The following PHACTR2 variants were observed in gnomAD, a reference collection of about 807,000 sequenced individuals.
PHACTR2 encodes phosphatase and actin regulator 2, also known as chromosome 6 open reading frame 56.
PHACTR2 carries 30 observed loss-of-function variants against 76.0 expected under a neutral mutation model. That is an observed-to-expected ratio of 0.39 (90% CI 0.30 to 0.54). The LOEUF is 0.54. PHACTR2 is among the 20% of genes least tolerant of loss of function. PHACTR2 has a pLI of 0.61. For synonymous variants in PHACTR2, 292 were observed against 292.5 expected, an observed-to-expected ratio of 1.00 and a Z score of 0.02; for missense variants, 696 against 781.1, an observed-to-expected ratio of 0.89 and a Z score of 1.30.
chr6:143,729,939 C>G (rs1778664031), intron 2 of PHACTR2, among the ~76,000 whole-genome samples: 1 of 130,236 alleles, frequency 7.7e-6, no homozygotes. Context: ...GTTGAAACGA[C>G]TATTACCTTT....
At position 143,774,647 on chromosome 6, in the gene PHACTR2, A is replaced by G. The variant is rs948208171; in HGVS notation, c.1589+432A>G. On this transcript the variant is annotated intron_variant, in intron 8 of 12. Transcript: ENST00000440869. This position sits in a 1 kb window ranked among gnomAD's most constrained non-coding sequence, Gnocchi z 5.4. ...ACAGTTTGCTCAACAATCCTGGCCT[A>G]ATTTATGGACTCACTAGCATTCCTG... 2.6e-5 allele frequency among the ~76,000 whole-genome samples: 4 copies of G among 152,170 alleles called. No individual in the cohort carries two copies. Among genetic ancestry groups the G allele is most frequent in the African/African-American group, 9.7e-5 (4 of 41,446 alleles).
In PHACTR2 at chr6:143,787,020, C is replaced by G. The variant is rs1190191252; in HGVS notation, c.1708-1753C>G. Among the ~76,000 whole-genome samples, 1 of 152,178 alleles carries G rather than the reference C, an allele frequency of 6.6e-6. No individual in the cohort carries two copies. Among genetic ancestry groups the G allele is most frequent in the Non-Finnish European group, 1.5e-5 (1 of 68,032 alleles). On this transcript the variant is annotated intron_variant, in intron 10 of 12. Transcript: ENST00000440869. The surrounding 1 kb of genome is among the most constrained non-coding windows in gnomAD (Gnocchi z 4.6). ...TTTTCAATGGCCCTTAAGTTACCAT[C>G]TGTAGACAATCAATCACCCCCTCCT...
Position 143,558,327 on chromosome 6 carries a change from TA to T in PHACTR2, c.217+21125del, listed in dbSNP as rs955392078. On this transcript the variant is annotated intron_variant, in intron 1 of 11. Transcript: ENST00000367584. The surrounding 1 kb of genome is among the most constrained non-coding windows in gnomAD (Gnocchi z 4.7). ...GAAAGAGTTTTCCCCTATTTACATGTAAAAATATGATAGGAGAAAAAAGATG... is the reference window on the plus strand; with the variant it reads ...GAAAGAGTTTTCCCCTATTTACATGTAAAATATGATAGGAGAAAAAAGATG... 2.0e-5 allele frequency among the ~76,000 whole-genome samples: 3 copies of T among 152,140 alleles called. No homozygotes were observed. Among genetic ancestry groups the T allele is most frequent in the Admixed American group, 2.0e-4 (3 of 15,268 alleles).
At position 143,547,876 on chromosome 6, in the gene PHACTR2, G is replaced by A. The variant is rs1379589897; in HGVS notation, c.217+10669G>A. ...TTGCCCGCTGTATCTATGTATGTAT[G>A]TATGTACGTATGTATCTATCTATCT... is the stretch of plus-strand genomic sequence containing the variant. On this transcript the variant is annotated intron_variant, in intron 1 of 11. Transcript: ENST00000367584. This position sits in a 1 kb window ranked among gnomAD's most constrained non-coding sequence, Gnocchi z 4.2. Among the ~76,000 whole-genome samples, 2 of 151,718 alleles carry A rather than the reference G, an allele frequency of 1.3e-5. No individual in the cohort carries two copies. The highest frequency in any genetic ancestry group is 4.9e-5 in the African/African-American group (2 of 41,044).
At chr6:143,538,166 T>A (rs1781136282) in intron 1 of PHACTR2, among the ~76,000 whole-genome samples, 1 of 152,080 alleles carries the variant, frequency 6.6e-6, no homozygotes, top group African/African-American at 2.4e-5. Context: ...GGCCCATGTG[T>A]TCTCAGAGGC....
rs1419249605 is a variant in PHACTR2, at chr6:143,824,775, AT to A, written c.*1089del. 1 of 151,270 alleles carries A rather than the reference AT, an allele frequency of 6.6e-6. No homozygotes were observed. The highest frequency in any genetic ancestry group is 1.5e-5 in the Non-Finnish European group (1 of 67,778). 9.4% of individuals were successfully genotyped at this position (151,270 alleles called of 1,614,324 possible). A position where few individuals can be genotyped will look rare whatever the true frequency, so the allele number is the denominator to read the frequency against. Reference sequence around the variant, plus strand: ...ATTTTTTTAAAGTTGGATTGCTGCTATTTAAAAAAAAAAAAAGGACACAGAT... The same window carrying A: ...ATTTTTTTAAAGTTGGATTGCTGCTATTAAAAAAAAAAAAAGGACACAGAT... On this transcript the variant is annotated 3_prime_UTR_variant, in exon 13 of 13. Transcript: ENST00000440869. The surrounding 1 kb of genome is among the most constrained non-coding windows in gnomAD (Gnocchi z 6.3).
At chr6:143,771,190 G>GTATATATATATATA (rs1562300806) in intron 6 of PHACTR2, among the ~76,000 whole-genome samples, 1 of 22,452 alleles carries the variant, frequency 4.5e-5, no homozygotes, top group Non-Finnish European at 7.0e-5. Flanking sequence ...ATATATATAT[G>GTATATATATATATA]TGTGTATATA....
rs926989297 is a variant in PHACTR2 at position 143,688,393 on chromosome 6, G to A, written c.46+10184G>A. 1.3e-5 allele frequency among the ~76,000 whole-genome samples: 2 copies of A among 152,106 alleles called. No individual in the cohort carries two copies. Among genetic ancestry groups the A allele is most frequent in the Non-Finnish European group, 2.9e-5 (2 of 68,022 alleles). On this transcript the variant is annotated intron_variant, in intron 1 of 12. Coordinates refer to ENST00000440869, the MANE Select transcript of PHACTR2 (RefSeq NM_001100164.2). The surrounding 1 kb of genome is among the most constrained non-coding windows in gnomAD (Gnocchi z 5.2). The stretch of plus-strand genomic sequence containing the variant: ...GGTCTCACCCAACTCTCAACTCCCA[G>A]AGTTACCCAGTTTGTGTCTGCAACT...
rs1436000049 is a variant in PHACTR2, at chr6:143,646,776, AG to A, written c.13+38455del. ...CACTACTCTCTGAAGAGCCTGAAAA[AG>A]TATGTAAGAAAAGCCTTGTTCTCTC... On this transcript the variant is annotated intron_variant, in intron 1 of 11. Transcript: ENST00000305766. The surrounding 1 kb of genome is among the most constrained non-coding windows in gnomAD (Gnocchi z 4.1). Among the ~76,000 whole-genome samples, 2 of 152,232 alleles carry A rather than the reference AG, an allele frequency of 1.3e-5. No individual in the cohort carries two copies. The highest frequency in any genetic ancestry group is 2.9e-5 in the Non-Finnish European group (2 of 68,042).
intron 1 of PHACTR2, among the ~76,000 whole-genome samples, chr6:143,590,773 T>C (rs1775680943): frequency 6.6e-6 from 1 of 152,190 alleles, no homozygotes; most frequent in Non-Finnish European, 1.5e-5. Flanking sequence ...GCTGAATTTC[T>C]GTGCTAAGGA....
In PHACTR2 at chr6:143,742,329, G is replaced by A. The variant is rs6570580; in HGVS notation, c.215-6656G>A. On this transcript the variant is annotated intron_variant, in intron 2 of 12. Coordinates refer to ENST00000440869, the MANE Select transcript of PHACTR2 (RefSeq NM_001100164.2). The surrounding 1 kb of genome is among the most constrained non-coding windows in gnomAD (Gnocchi z 4.5). Reference sequence around the variant, plus strand: ...TCTTTTGAGTCTGTATTTCCTCCCTGTTGGCTTTTGTTGTTGTTGTGGTTG... The same window carrying A: ...TCTTTTGAGTCTGTATTTCCTCCCTATTGGCTTTTGTTGTTGTTGTGGTTG... Among the ~76,000 whole-genome samples the A allele has an allele frequency of 0.53, 80,327 of 151,640 alleles. 21,533 individuals are homozygous for A. The highest frequency in any genetic ancestry group is 0.62 in the African/African-American group (25,794 of 41,280).
chr6:143,745,553 T>A lies in PHACTR2; in HGVS notation c.215-3432T>A, dbSNP rs6907799. Among the ~76,000 whole-genome samples, 535 of 152,338 alleles carry A rather than the reference T, an allele frequency of 3.5e-3. 1 individual carries two copies. The highest frequency in any genetic ancestry group is 0.012 in the African/African-American group (499 of 41,578). ...GATTCATTGCAATGCAAACCCCCTC[T>A]GAGCCCATGAAAAAGTGTCCAGTGA... On this transcript the variant is annotated intron_variant, in intron 2 of 12. Coordinates refer to ENST00000440869, the MANE Select transcript of PHACTR2 (RefSeq NM_001100164.2).
In PHACTR2 at chr6:143,784,046, AAG is replaced by A. The variant is rs1554228236; in HGVS notation, c.1707+768_1707+769del. Among the ~76,000 whole-genome samples, 1 of 151,856 alleles carries A rather than the reference AAG, an allele frequency of 6.6e-6. No individual in the cohort carries two copies. The highest frequency in any genetic ancestry group is 1.5e-5 in the Non-Finnish European group (1 of 67,958). On this transcript the variant is annotated intron_variant, in intron 10 of 12. Coordinates refer to ENST00000440869, the MANE Select transcript of PHACTR2 (RefSeq NM_001100164.2). This position sits in a 1 kb window ranked among gnomAD's most constrained non-coding sequence, Gnocchi z 4.5. ...CTTGATTAGAACAATGAAAAAAAAA[AAG>A]AAAAAAAGAAGTGAAAAAAGTTTTT...
At chr6:143,606,057 T>C (rs372635326), upstream of PHACTR2, among the ~76,000 whole-genome samples, 10 of 152,306 alleles carry the variant, frequency 6.6e-5, no homozygotes, top group African/African-American at 1.9e-4. Context: ...TTCAGAATTT[T>C]ATTTTAGAAA....
chr6:143,702,769 A>G (rs1292755254), intron 1 of PHACTR2, among the ~76,000 whole-genome samples: 2 of 116,028 alleles, frequency 1.7e-5, no homozygotes, highest in East Asian at 4.6e-4. Flanking sequence ...GAATATATAT[A>G]CAACTTTTTT....
At position 143,684,715 on chromosome 6, in the gene PHACTR2, G is replaced by A. The variant is rs527637708; in HGVS notation, c.46+6506G>A. ...TGAGAATTAGAAGTCACTTCCTCTG[G>A]GTGAGGCAGCTAGCTCCACAGCACA... On this transcript the variant is annotated intron_variant, in intron 1 of 12. Coordinates refer to ENST00000440869, the MANE Select transcript of PHACTR2 (RefSeq NM_001100164.2). The surrounding 1 kb of genome is among the most constrained non-coding windows in gnomAD (Gnocchi z 4.3). Among the ~76,000 whole-genome samples the A allele has an allele frequency of 1.3e-5, 2 of 152,254 alleles. No individual in the cohort carries two copies. The highest frequency in any genetic ancestry group is 3.9e-4 in the East Asian group (2 of 5,180).
At position 143,753,622 on chromosome 6, in the gene PHACTR2, G is replaced by GA; in HGVS notation, c.296-129dup. 1 of 588,862 alleles carries GA rather than the reference G, an allele frequency of 1.7e-6. No homozygotes were observed. The highest frequency in any genetic ancestry group is 1.9e-5 in the African/African-American group (1 of 52,826). 36.5% of individuals were successfully genotyped at this position (588,862 alleles called of 1,614,324 possible). A position where few individuals can be genotyped will look rare whatever the true frequency, so the allele number is the denominator to read the frequency against. On this transcript the variant is annotated intron_variant, in intron 3 of 12. Transcript: ENST00000440869. This position sits in a 1 kb window ranked among gnomAD's most constrained non-coding sequence, Gnocchi z 4.6. The stretch of plus-strand genomic sequence containing the variant: ...GCTCTTTTGTTTTGAATAAACCGGT[G>GA]AAACAGTGCAGGGTGTATTTGGTTC...
Position 143,697,255 on chromosome 6 carries a change from A to G in PHACTR2, c.47-14761A>G, listed in dbSNP as rs1314889654. Among the ~76,000 whole-genome samples, 2 of 152,250 alleles carry G rather than the reference A, an allele frequency of 1.3e-5. No homozygotes were observed. Among genetic ancestry groups the G allele is most frequent in the Non-Finnish European group, 2.9e-5 (2 of 68,042 alleles). ...CAAAAGCAGTTTGGATTTAGTTCCA[A>G]TTTAGTTAGGTAACTTATTTTCTTG... On this transcript the variant is annotated intron_variant, in intron 1 of 12. Transcript: ENST00000440869. The surrounding 1 kb of genome is among the most constrained non-coding windows in gnomAD (Gnocchi z 4.4).
rs1027779588 is a variant in PHACTR2, at chr6:143,660,877, T to G, written c.14-51139T>G. Among the ~76,000 whole-genome samples, 6 of 152,304 alleles carry G rather than the reference T, an allele frequency of 3.9e-5. No individual in the cohort carries two copies. In the East Asian group the frequency reaches 5.8e-4, roughly 15 times the overall value. ...AAGAAAATAAAACCTCAAGGAAGGA[T>G]GTGTCCCTTAGATGGTAATAGAATA... On this transcript the variant is annotated intron_variant, in intron 1 of 11. Coordinates refer to the PHACTR2 transcript ENST00000305766.
Sources: gnomAD v4.1 joint callset for allele counts (sites outside exome capture counted in the v4.1 genomes callset) on GRCh38, gnomAD v4.1.1 for gene constraint, Gnocchi (gnomAD v3.1) non-coding constraint, MANE v1.5 for transcripts, NCBI Gene and HGNC (gene_info 2026-07-23, HGNC 2026-07-21) for gene names.